The following ST7 variants were observed in gnomAD, a reference collection of about 807,000 sequenced individuals.
The protein encoded by ST7 is suppressor of tumorigenicity 7 protein.
A neutral mutation model predicts 78.7 loss-of-function variants in ST7; 28 were observed. The ratio of observed to expected loss-of-function variants is 0.36; its 90% CI spans 0.26 to 0.49. ST7 has a LOEUF of 0.49. Among genes scored for constraint, ST7 ranks in the 20% least tolerant of loss-of-function variants. ST7 has a pLI of 0.99. For missense variants in ST7, 418 were observed against 696.0 expected (o/e 0.60, Z 4.49); for synonymous variants, 247 against 249.6 (o/e 0.99, Z 0.10).
intron 15 of ST7, chr7:117,222,804 A>G (rs1793185270): frequency 5.5e-6 from 7 of 1,279,702 alleles, no homozygotes; most frequent in Non-Finnish European, 6.9e-6. Context: ...TTTCAAGGCG[A>G]GTGCAATCAG....
At chr7:117,216,486 C>A (rs1412240527) in intron 13 of ST7, among the ~76,000 whole-genome samples, 1 of 152,108 alleles carries the variant, frequency 6.6e-6, no homozygotes, top group Non-Finnish European at 1.5e-5. Flanking sequence ...CTTATTAGCA[C>A]CACCAAATCA....
intron 1 of ST7, among the ~76,000 whole-genome samples, chr7:117,099,261 A>T (rs1376718646): frequency 6.6e-6 from 1 of 152,048 alleles, no homozygotes; most frequent in East Asian, 1.9e-4. Flanking sequence ...ATAACTTGTC[A>T]ATTTGTCCTT....
intron 1 of ST7, among the ~76,000 whole-genome samples, chr7:117,058,445 T>A (rs1286069569): frequency 6.6e-6 from 1 of 152,200 alleles, no homozygotes; most frequent in Non-Finnish European, 1.5e-5. Context: ...TTCTATTGGT[T>A]GTTATGGAGA....
At chr7:117,198,194 G>C (rs1322614736) in intron 12 of ST7, 1 of 326,908 alleles carries the variant, frequency 3.1e-6, no homozygotes, top group African/African-American at 2.2e-5. Context: ...AAAAGTAATG[G>C]CTTCACAGGA....
intron 1 of ST7, among the ~76,000 whole-genome samples, chr7:117,075,325 A>G (rs1323168178): frequency 6.6e-6 from 1 of 152,190 alleles, no homozygotes; most frequent in Non-Finnish European, 1.5e-5. Flanking sequence ...CATAGTGACA[A>G]TTTTTATTTT....
At chr7:117,083,989 G>A (rs1035295916) in intron 1 of ST7, among the ~76,000 whole-genome samples, 2 of 152,166 alleles carry the variant, frequency 1.3e-5, no homozygotes, top group African/African-American at 2.4e-5. Flanking sequence ...TAGGCATTTG[G>A]TAGAATATCA....
intron 15 of ST7, among the ~76,000 whole-genome samples, chr7:117,225,156 C>T (rs1035210968): frequency 1.3e-5 from 2 of 152,178 alleles, no homozygotes; most frequent in African/African-American, 4.8e-5. Context: ...TTCTCTAGGA[C>T]TGGCCGTACA....
chr7:117,025,753 CT>C (rs944802892), intron 1 of ST7, among the ~76,000 whole-genome samples: 12 of 152,148 alleles, frequency 7.9e-5, no homozygotes, highest in African/African-American at 2.6e-4. Flanking sequence ...ATCACTTTTT[CT>C]TTTTTTCTGA....
chr7:117,055,074 T>C (rs2116398236), intron 1 of ST7, among the ~76,000 whole-genome samples: 1 of 152,350 alleles, frequency 6.6e-6, no homozygotes, highest in South Asian at 2.1e-4. Flanking sequence ...AGTCACCCAG[T>C]AATTGCTCAA....
intron 9 of ST7, among the ~76,000 whole-genome samples, chr7:117,161,405 A>G (rs1177702108): frequency 1.3e-5 from 2 of 151,822 alleles, no homozygotes; most frequent in Non-Finnish European, 2.9e-5. Flanking sequence ...ATTAGTTAAA[A>G]TTTTTGCATT....
At chr7:117,006,707 T>C (rs1161460672) in intron 1 of ST7, among the ~76,000 whole-genome samples, 1 of 152,222 alleles carries the variant, frequency 6.6e-6, no homozygotes, top group African/African-American at 2.4e-5. Context: ...TCTTATAAAT[T>C]GAAGGTTTGT....
At chr7:117,228,924 A>C (rs988223543) in intron 15 of ST7, among the ~76,000 whole-genome samples, 1 of 151,652 alleles carries the variant, frequency 6.6e-6, no homozygotes, top group Non-Finnish European at 1.5e-5. Flanking sequence ...CATCCCAACA[A>C]CTCTCTCTTC....
intron 1 of ST7, among the ~76,000 whole-genome samples, chr7:116,969,702 A>T (rs1793314652): frequency 6.6e-6 from 1 of 152,192 alleles, no homozygotes; most frequent in African/African-American, 2.4e-5. Flanking sequence ...GCCTCCCATA[A>T]CAAAGGAGTC....
chr7:117,132,390 C>T (rs1584431348), intron 6 of ST7, among the ~76,000 whole-genome samples: 1 of 151,602 alleles, frequency 6.6e-6, no homozygotes, highest in Non-Finnish European at 1.5e-5. Flanking sequence ...GAAAATACTT[C>T]AAGATTAAGA....
intron 9 of ST7, among the ~76,000 whole-genome samples, chr7:117,139,541 G>A (rs1046693074): frequency 6.6e-6 from 1 of 152,004 alleles, no homozygotes; most frequent in Non-Finnish European, 1.5e-5. Context: ...AACACTCAAC[G>A]CTCACCCCTG....
intron 1 of ST7, among the ~76,000 whole-genome samples, chr7:116,983,468 C>A (rs1331262272): frequency 6.6e-6 from 1 of 152,158 alleles, no homozygotes; most frequent in African/African-American, 2.4e-5. Context: ...TGCTGAGCAT[C>A]CTCCTCAGAG....
At chr7:117,026,004 A>G (rs1205492467) in intron 1 of ST7, among the ~76,000 whole-genome samples, 2 of 152,170 alleles carry the variant, frequency 1.3e-5, no homozygotes, top group Non-Finnish European at 2.9e-5. Context: ...TTCAGAAAAA[A>G]AATTACATGT....
At chr7:117,087,003 C>G (rs980179652) in intron 1 of ST7, among the ~76,000 whole-genome samples, 15 of 152,216 alleles carry the variant, frequency 9.9e-5, no homozygotes, top group African/African-American at 3.1e-4. Flanking sequence ...TACACACCCT[C>G]ACCCAGGGGA....
chr7:117,090,546 A>G (rs187224136), intron 1 of ST7, among the ~76,000 whole-genome samples: 106 of 152,276 alleles, frequency 7.0e-4, no homozygotes, highest in African/African-American at 2.5e-3. Flanking sequence ...TTGTCTTAGC[A>G]AAGTTTCTAT....
Sources: gnomAD v4.1 joint callset for allele counts (sites outside exome capture counted in the v4.1 genomes callset) on GRCh38, gnomAD v4.1.1 for gene constraint, MANE v1.5 for transcripts, NCBI Gene and HGNC (gene_info 2026-07-23, HGNC 2026-07-21) for gene names.